Variants in GPC5 observed in about 807,000 individuals in gnomAD.
GPC5 encodes glypican-5.
Under a neutral mutation model 53.9 loss-of-function variants are expected in GPC5, and 47 were observed. That is an observed-to-expected ratio of 0.87 (90% CI 0.69 to 1.11). The LOEUF is 1.11. GPC5 is among the 50% of genes most tolerant of loss of function. The pLI, the probability that GPC5 is intolerant of heterozygous loss-of-function variation, is 0.00. For missense variants in GPC5, 748 were observed against 713.1 expected (o/e 1.05, Z -0.56); for synonymous variants, 286 against 263.3 (o/e 1.09, Z -0.84).
rs562142399 is a variant in GPC5 at position 91,730,344 on chromosome 13, G to C, written c.1154+1679G>C. On this transcript the variant is annotated intron_variant, in intron 4 of 7. Coordinates refer to ENST00000377067, the MANE Select transcript of GPC5 (RefSeq NM_004466.6). ...TCCATTGAAATAGATGAGCAATGTA[G>C]CACGAGTGGATGCTGAGTCTGGGCT... is the stretch of plus-strand genomic sequence containing the variant. Among the ~76,000 whole-genome samples the C allele has an allele frequency of 2.6e-5, 4 of 152,266 alleles. No individual in the cohort carries two copies. The East Asian group carries it at 7.7e-4, about 29-fold the overall frequency.
intron 5 of GPC5, among the ~76,000 whole-genome samples, chr13:91,849,436 T>A (rs1224322648): frequency 6.6e-6 from 1 of 152,218 alleles, no homozygotes; most frequent in African/African-American, 2.4e-5. Context: ...TATGAACATT[T>A]AAAAATATAT....
intron 7 of GPC5, among the ~76,000 whole-genome samples, chr13:92,759,493 T>TTTTCTTGA: frequency 6.6e-6 from 1 of 152,176 alleles, no homozygotes; most frequent in East Asian, 1.9e-4. Context: ...AATGAGATTG[T>TTTTCTTGA]TTTCTTGATT....
At chr13:92,091,208 A>G (rs1185525804) in intron 6 of GPC5, among the ~76,000 whole-genome samples, 1 of 152,226 alleles carries the variant, frequency 6.6e-6, no homozygotes, top group African/African-American at 2.4e-5. Context: ...CCCCATCTTT[A>G]AAACTAATGC....
At chr13:92,352,508 A>G (rs2043487468) in intron 7 of GPC5, among the ~76,000 whole-genome samples, 2 of 152,226 alleles carry the variant, frequency 1.3e-5, no homozygotes, top group African/African-American at 2.4e-5. Context: ...TTAAAAATGA[A>G]TAAGGAAATG....
chr13:92,618,486 C>T (rs1375991010), intron 7 of GPC5, among the ~76,000 whole-genome samples: 2 of 151,804 alleles, frequency 1.3e-5, no homozygotes, highest in African/African-American at 2.4e-5. Flanking sequence ...AGTAGATACA[C>T]CTGTGATTAA....
At chr13:92,380,833 C>T (rs2043732986) in intron 7 of GPC5, among the ~76,000 whole-genome samples, 1 of 151,020 alleles carries the variant, frequency 6.6e-6, no homozygotes, top group African/African-American at 2.4e-5. Flanking sequence ...GGGTGCAGCG[C>T]ACCAGCATGG....
At chr13:92,363,488 C>G (rs1594134603) in intron 7 of GPC5, among the ~76,000 whole-genome samples, 1 of 151,642 alleles carries the variant, frequency 6.6e-6, no homozygotes, top group East Asian at 1.9e-4. Context: ...AACCTAGATC[C>G]CTCGCATGTA....
chr13:92,830,220 GT>G (rs748545157), intron 7 of GPC5, among the ~76,000 whole-genome samples: 1 of 151,514 alleles, frequency 6.6e-6, no homozygotes, highest in African/African-American at 2.4e-5. Flanking sequence ...TTTCCACATT[GT>G]TTTTTTTCGT....
intron 7 of GPC5, among the ~76,000 whole-genome samples, chr13:92,235,055 A>T (rs2042560268): frequency 6.6e-6 from 1 of 152,226 alleles, no homozygotes; most frequent in African/African-American, 2.4e-5. Flanking sequence ...TTATAAATTT[A>T]AAGTATGAAG....
chr13:92,806,368 T>C (rs1877099618), intron 7 of GPC5, among the ~76,000 whole-genome samples: 1 of 152,054 alleles, frequency 6.6e-6, no homozygotes, highest in Admixed American at 6.6e-5. Context: ...TACCCGACGT[T>C]TTCTACCTCA....
intron 6 of GPC5, among the ~76,000 whole-genome samples, chr13:91,964,245 C>A (rs962203917): frequency 6.6e-6 from 1 of 152,164 alleles, no homozygotes; most frequent in African/African-American, 2.4e-5. Flanking sequence ...AGCAAGATTT[C>A]TTGCAAACAG....
At chr13:91,947,041 G>A (rs933370173) in intron 6 of GPC5, among the ~76,000 whole-genome samples, 1 of 152,026 alleles carries the variant, frequency 6.6e-6, no homozygotes, top group East Asian at 1.9e-4. Context: ...ATCTGTTCAC[G>A]CAGGGCTTTT....
chr13:91,491,218 A>G (rs1423030419), intron 2 of GPC5, among the ~76,000 whole-genome samples: 1 of 152,158 alleles, frequency 6.6e-6, no homozygotes. Flanking sequence ...CTGGCCCCCA[A>G]GTCACCAGAT....
intron 7 of GPC5, among the ~76,000 whole-genome samples, chr13:92,349,225 C>T (rs1242427034): frequency 1.3e-5 from 2 of 152,118 alleles, no homozygotes; most frequent in Non-Finnish European, 2.9e-5. Context: ...CTCACTGCAA[C>T]CTCCACCTCC....
chr13:92,751,321 A>C (rs1248728739), intron 7 of GPC5, among the ~76,000 whole-genome samples: 4 of 148,160 alleles, frequency 2.7e-5, no homozygotes, highest in Non-Finnish European at 4.5e-5. Context: ...AAAAAAAAAA[A>C]AAAAAAAAAA....
At chr13:91,849,694 G>A (rs998865839) in intron 5 of GPC5, among the ~76,000 whole-genome samples, 4 of 152,118 alleles carry the variant, frequency 2.6e-5, no homozygotes, top group Non-Finnish European at 4.4e-5. Context: ...ACCTTCAAAT[G>A]GCTATTGAGC....
chr13:92,423,851 A>T (rs1403733338), intron 7 of GPC5, among the ~76,000 whole-genome samples: 1 of 152,182 alleles, frequency 6.6e-6, no homozygotes, highest in Non-Finnish European at 1.5e-5. Context: ...CTCAGACAGC[A>T]TGCTTTTAAT....
intron 6 of GPC5, among the ~76,000 whole-genome samples, chr13:92,066,165 A>AGAAT (rs1295344704): frequency 2.0e-5 from 3 of 152,158 alleles, no homozygotes; most frequent in African/African-American, 7.2e-5. Context: ...TATTAGCGAC[A>AGAAT]GAATACTCAA....
intron 7 of GPC5, among the ~76,000 whole-genome samples, chr13:92,696,162 G>A (rs558084770): frequency 1.2e-4 from 19 of 152,248 alleles, no homozygotes; most frequent in African/African-American, 3.6e-4. Flanking sequence ...TAACATACGT[G>A]TGCATGTGTC....
Sources: allele counts gnomAD v4.1 joint callset (sites outside exome capture counted in the v4.1 genomes callset), GRCh38; gene constraint gnomAD v4.1.1; transcripts MANE v1.5; gene names NCBI Gene and HGNC (gene_info 2026-07-23, HGNC 2026-07-21).